Variants in CDHR3 observed in about 807,000 individuals in gnomAD.
The protein encoded by CDHR3 is cadherin related family member 3, also known as cadherin-related family member 3.
CDHR3 carries 79 observed loss-of-function variants against 86.6 expected under a neutral mutation model. The observed-to-expected ratio is 0.91, with a 90% CI of 0.76 to 1.10. CDHR3 has a LOEUF of 1.10. CDHR3 is among the 50% of genes least tolerant of loss of function. The pLI, the probability that CDHR3 is intolerant of heterozygous loss-of-function variation, is 0.00. For missense variants in CDHR3, 1,081 were observed against 1,077.6 expected (o/e 1.00, Z -0.04); for synonymous variants, 421 against 402.4 (o/e 1.05, Z -0.55).
chr7:106,009,677 G>T (rs1164731718), intron 8 of CDHR3, among the ~76,000 whole-genome samples: 2 of 152,120 alleles, frequency 1.3e-5, no homozygotes, highest in African/African-American at 4.8e-5. Context: ...TGCCCGCGCG[G>T]GCTCCTGCAG....
At chr7:105,973,870 G>T (rs544456006) in intron 1 of CDHR3, among the ~76,000 whole-genome samples, 1 of 152,260 alleles carries the variant, frequency 6.6e-6, no homozygotes, top group African/African-American at 2.4e-5. Flanking sequence ...GGGAGGCTGA[G>T]GCATGAGAAT....
intron 15 of CDHR3, among the ~76,000 whole-genome samples, chr7:106,026,187 T>C (rs982579977): frequency 2.0e-5 from 3 of 152,218 alleles, no homozygotes; most frequent in African/African-American, 7.2e-5. Context: ...AAATTAGGGT[T>C]ACAGAGCTAT....
At chr7:105,967,807 A>AT (rs1827220586) in intron 1 of CDHR3, among the ~76,000 whole-genome samples, 1 of 151,656 alleles carries the variant, frequency 6.6e-6, no homozygotes, top group East Asian at 1.9e-4. Context: ...GAGTTGTTTG[A>AT]TTTTTTCTTG....
At chr7:105,979,826 T>G (rs1390180510) in intron 2 of CDHR3, among the ~76,000 whole-genome samples, 1 of 152,204 alleles carries the variant, frequency 6.6e-6, no homozygotes. Flanking sequence ...TACATGGAAT[T>G]TAGTCCTCAA....
chr7:106,000,231 T>A (rs1832924250), intron 6 of CDHR3, among the ~76,000 whole-genome samples: 2 of 152,222 alleles, frequency 1.3e-5, no homozygotes, highest in South Asian at 4.1e-4. Flanking sequence ...ACATGATTAC[T>A]CTCCTCCAGC....
At position 105,983,509 on chromosome 7, in the gene CDHR3, C is replaced by T. The variant is rs534728195; in HGVS notation, c.416-683C>T. On this transcript the variant is annotated intron_variant, in intron 3 of 18. Coordinates refer to ENST00000317716, the MANE Select transcript of CDHR3 (RefSeq NM_152750.5). Reference sequence around the variant, plus strand: ...TGTATGTTAAGTCCTCAGCACGGTGCCCCCCAATAGAGTGAGTTACTTTTC... The same window carrying T: ...TGTATGTTAAGTCCTCAGCACGGTGTCCCCCAATAGAGTGAGTTACTTTTC... Among the ~76,000 whole-genome samples the T allele has an allele frequency of 5.3e-5, 8 of 152,196 alleles. No homozygotes were observed. In the South Asian group the frequency reaches 1.7e-3, roughly 32 times the overall value.
intron 12 of CDHR3, among the ~76,000 whole-genome samples, chr7:106,019,230 T>A (rs1836154904): frequency 6.6e-6 from 1 of 152,092 alleles, no homozygotes; most frequent in Non-Finnish European, 1.5e-5. Flanking sequence ...TATTTCTCTA[T>A]CTCTTAAACG....
chr7:106,017,407 A>T (rs1347888730), intron 11 of CDHR3, among the ~76,000 whole-genome samples: 1 of 152,062 alleles, frequency 6.6e-6, no homozygotes, highest in Non-Finnish European at 1.5e-5. Context: ...AAATACAAAA[A>T]GATTAGCCAG....
rs1317089806 is a variant in CDHR3 at position 106,001,327 on chromosome 7, G to A, written c.714-135G>A. The A allele has an allele frequency of 4.6e-5, 39 of 856,640 alleles. No homozygotes were observed. In the Admixed American group the frequency reaches 9.6e-4, roughly 21 times the overall value. 53.1% of individuals were successfully genotyped at this position (856,640 alleles called of 1,614,324 possible). On this transcript the variant is annotated intron_variant, in intron 6 of 18. Transcript: ENST00000317716. ...AGCCACCCCTCCTTTCCACTGCTGT[G>A]CTCTCCCTCTGAGCATGTTGATGCA...
chr7:105,995,592 C>A (rs562644401), intron 5 of CDHR3, among the ~76,000 whole-genome samples: 18 of 152,206 alleles, frequency 1.2e-4, no homozygotes, highest in African/African-American at 4.1e-4. Flanking sequence ...GCCCTTGAGT[C>A]CACTGGCGAA....
At position 106,004,662 on chromosome 7, in the gene CDHR3, G is replaced by A; in HGVS notation, c.1027G>A (p.Ala343Thr). The change falls in exon 8 of 19, where the codon GCC (alanine) becomes ACC (threonine). Residue 343 changes from alanine (A) to threonine (T), a missense_variant. By Grantham distance (58) the Ala-to-Thr change is moderately conservative. Transcript: ENST00000317716. ...TGTGGAAGACGTCAACGACAATCCT[G>A]CCACATGCCAAAAGTTCACCTTCAG... is the stretch of plus-strand genomic sequence containing the variant. ...FIVEDVNDNP[A>T]TCQKFTFSIM... 6.2e-7 allele frequency: 1 copy of A among 1,614,010 alleles called. No homozygotes were observed. Among genetic ancestry groups the A allele is most frequent in the South Asian group, 1.1e-5 (1 of 91,070 alleles).
intron 1 of CDHR3, among the ~76,000 whole-genome samples, chr7:105,968,784 A>G (rs1015594853): frequency 6.6e-6 from 1 of 152,040 alleles, no homozygotes; most frequent in African/African-American, 2.4e-5. Flanking sequence ...GGCATGAAGC[A>G]TGCTGATTAA....
At chr7:106,000,637 C>T (rs1832996527) in intron 6 of CDHR3, among the ~76,000 whole-genome samples, 1 of 152,136 alleles carries the variant, frequency 6.6e-6, no homozygotes, top group Non-Finnish European at 1.5e-5. Flanking sequence ...AATAAGCCTC[C>T]CTTAGAGCAT....
chr7:106,026,151 C>T (rs1172117194), intron 15 of CDHR3, among the ~76,000 whole-genome samples: 3 of 152,182 alleles, frequency 2.0e-5, no homozygotes, highest in Non-Finnish European at 4.4e-5. Flanking sequence ...CATATGACAG[C>T]CAACTTTGTC....
intron 17 of CDHR3, 103 bp downstream of exon 17, chr7:106,028,685 A>G (rs1837756961): frequency 1.6e-6 from 2 of 1,270,156 alleles, no homozygotes; most frequent in Admixed American, 2.0e-5. Context: ...CATGTTTATC[A>G]TTCAGGGAGG....
Position 106,032,801 on chromosome 7 carries a change from G to T in CDHR3, c.*104G>T. ...GTAGGGGGGAAAATGTGGGCTGAGG[G>T]GATTCAGACATCCAGGGTCAAACAT... On this transcript the variant is annotated 3_prime_UTR_variant, in exon 19 of 19. Coordinates refer to ENST00000317716, the MANE Select transcript of CDHR3 (RefSeq NM_152750.5). 8.2e-7 allele frequency: 1 copy of T among 1,221,200 alleles called. No individual in the cohort carries two copies. The highest frequency in any genetic ancestry group is 1.1e-6 in the Non-Finnish European group (1 of 894,196). 75.6% of individuals were successfully genotyped at this position (1,221,200 alleles called of 1,614,324 possible).
chr7:106,032,601 G>A lies in CDHR3; in HGVS notation c.2562G>A (p.Leu854=). The A allele has an allele frequency of 6.2e-7, 1 of 1,613,922 alleles. No individual in the cohort carries two copies. The highest frequency in any genetic ancestry group is 8.5e-7 in the Non-Finnish European group (1 of 1,179,880). Residue 854 remains leucine, a synonymous_variant, in exon 19 of 19, where the codon CTG becomes CTA. Coordinates refer to ENST00000317716, the MANE Select transcript of CDHR3 (RefSeq NM_152750.5). ...SGKAWAEDAG[L]GSRNEGGKLG... is the part of the protein sequence containing the mutation. ...AAGCGTGGGCTGAGGATGCTGGTCT[G>A]GGTTCCAGAAATGAGGGTGGCAAGC...
Position 106,012,976 on chromosome 7 carries a change from G to C in CDHR3, c.1169G>C (p.Gly390Ala). 1.2e-6 allele frequency: 2 copies of C among 1,613,450 alleles called. No individual in the cohort carries two copies. ...AGATTCAACTTCACCATGCCATCTG[G>C]AGTGGGGAGCGGCAGCAGATTTTTA... ...NNRFNFTMPSGVGSGSRFLQD... is the reference protein window; with the variant it reads ...NNRFNFTMPSAVGSGSRFLQD... The change falls in exon 9 of 19, where the codon GGA (glycine) becomes GCA (alanine). Residue 390 changes from glycine (G) to alanine (A), a missense_variant. Gly to Ala is a moderately conservative substitution (Grantham distance 60). Transcript: ENST00000317716.
In CDHR3 at chr7:105,996,345, G is replaced by T; in HGVS notation, c.704G>T (p.Arg235Leu). 4.4e-6 allele frequency: 7 copies of T among 1,589,756 alleles called. No homozygotes were observed. The highest frequency in any genetic ancestry group is 6.0e-6 in the Non-Finnish European group (7 of 1,161,822). The change falls in exon 6 of 19, where the codon CGC becomes CTC. Residue 235 changes from arginine to leucine, a missense_variant. Coordinates refer to ENST00000317716, the MANE Select transcript of CDHR3 (RefSeq NM_152750.5). Reference protein sequence around the residue: ...NIVNLNDEVPRFTSPTRVYTV... With the variant: ...NIVNLNDEVPLFTSPTRVYTV... ...GTGAACCTCAACGACGAAGTCCCTC[G>T]CTTTACCAGGTAGGCCTGAGGGCAT... is the stretch of plus-strand genomic sequence containing the variant.
Sources: allele counts gnomAD v4.1 joint callset (sites outside exome capture counted in the v4.1 genomes callset), GRCh38; gene constraint gnomAD v4.1.1; transcripts MANE v1.5; gene names NCBI Gene and HGNC (gene_info 2026-07-23, HGNC 2026-07-21).